WDHD1: variants seen among roughly 807,000 people sequenced by gnomAD.
WDHD1 encodes the protein WD repeat and HMG-box DNA binding protein 1.
In WDHD1, 111 loss-of-function variants were observed where a neutral mutation model predicts 135.4. The observed-to-expected ratio is 0.82, with a 90% CI of 0.70 to 0.96. The LOEUF (loss-of-function observed/expected upper bound fraction) is 0.96. WDHD1 is among the 40% of genes least tolerant of loss of function. The pLI, the probability that WDHD1 is intolerant of heterozygous loss-of-function variation, is 0.00. For synonymous variants in WDHD1, 434 were observed against 439.0 expected, an observed-to-expected ratio of 0.99 and a Z score of 0.14; for missense variants, 1,351 against 1,336.3, an observed-to-expected ratio of 1.01 and a Z score of -0.17.
intron 10 of WDHD1, among the ~76,000 whole-genome samples, chr14:54,999,722 G>A (rs1344342842): frequency 6.6e-6 from 1 of 152,010 alleles, no homozygotes; most frequent in Non-Finnish European, 1.5e-5. Context: ...TCAGCCTTCT[G>A]AGTAGGAGCA....
intron 14 of WDHD1, among the ~76,000 whole-genome samples, chr14:54,986,349 T>C (rs901039005): frequency 1.3e-5 from 2 of 152,146 alleles, no homozygotes; most frequent in South Asian, 2.1e-4. Flanking sequence ...CTTTTAAAAA[T>C]AGAAACAGGG....
In WDHD1 at chr14:54,995,588, A is replaced by T. The variant is rs1368842676; in HGVS notation, c.1153+15T>A. The stretch of plus-strand genomic sequence containing the variant: ...AATCAACAGGGTAATCACATGCACA[A>T]AGTCAAATTCTTACCAACTGAGTTT... On this transcript the variant is annotated intron_variant, in intron 11 of 25. Coordinates refer to ENST00000360586, the MANE Select transcript of WDHD1 (RefSeq NM_007086.4). 6 of 1,567,436 alleles carry T rather than the reference A, an allele frequency of 3.8e-6. No individual in the cohort carries two copies. In the South Asian group the frequency reaches 7.1e-5, roughly 19 times the overall value.
chr14:54,980,182 G>A (rs2041594186), intron 16 of WDHD1, among the ~76,000 whole-genome samples: 1 of 152,000 alleles, frequency 6.6e-6, no homozygotes, highest in African/African-American at 2.4e-5. Context: ...TGGGTGTGGT[G>A]GTGCGTGCCT....
At chr14:54,992,128 C>T (rs1218286459) in intron 11 of WDHD1, among the ~76,000 whole-genome samples, 1 of 151,652 alleles carries the variant, frequency 6.6e-6, no homozygotes, top group Non-Finnish European at 1.5e-5. Context: ...CATGGTGGCA[C>T]ATGCCTGTAA....
At position 55,000,866 on chromosome 14, in the gene WDHD1, A is replaced by G. The variant is rs1045172385; in HGVS notation, c.800+20T>C. The stretch of plus-strand genomic sequence containing the variant: ...AATAGAGATGAGCAAAGAAGAGACA[A>G]AAGATACACTAAATCATACCTTTCC... On this transcript the variant is annotated intron_variant, in intron 9 of 25. Transcript: ENST00000360586. 5.4e-6 allele frequency: 8 copies of G among 1,488,284 alleles called. No homozygotes were observed. Among genetic ancestry groups the G allele is most frequent in the Non-Finnish European group, 7.2e-6 (8 of 1,113,226 alleles). The allele number at this position is 1,488,284 out of a possible 1,614,324, so 92.2% of individuals were successfully genotyped here.
Position 54,958,164 on chromosome 14 carries a change from T to C in WDHD1, c.2702-529A>G, listed in dbSNP as rs893025396. On this transcript the variant is annotated intron_variant, in intron 21 of 25. Transcript: ENST00000360586. ...TTTTTGAGACAGAGTCTCGCTCTTG[T>C]TGCCCAAGCTGGAGGGCAATGGTGT... Among the ~76,000 whole-genome samples the C allele has an allele frequency of 3.3e-5, 5 of 151,924 alleles. No individual in the cohort carries two copies. The South Asian group carries it at 1.0e-3, about 32-fold the overall frequency.
chr14:54,950,717 C>T (rs1309661095), intron 24 of WDHD1, among the ~76,000 whole-genome samples: 1 of 152,164 alleles, frequency 6.6e-6, no homozygotes, highest in Non-Finnish European at 1.5e-5. Flanking sequence ...CCACATCGCA[C>T]TTATTCCAAC....
rs1435454945 is a variant in WDHD1 at position 54,940,800 on chromosome 14, T to C, written c.*690A>G. The C allele has an allele frequency of 6.6e-6, 1 of 151,664 alleles. No individual in the cohort carries two copies. Among genetic ancestry groups the C allele is most frequent in the Non-Finnish European group, 1.5e-5 (1 of 67,950 alleles). The allele number at this position is 151,664 out of a possible 1,614,324, so 9.4% of individuals were successfully genotyped here. A position where few individuals can be genotyped will look rare whatever the true frequency, so the allele number is the denominator to read the frequency against. ...TGTATAATGCAGAGCAAAATGGGGGTGGTGGTAGAAATTATGGTAGTAAAT... is the reference window on the plus strand; with the variant it reads ...TGTATAATGCAGAGCAAAATGGGGGCGGTGGTAGAAATTATGGTAGTAAAT... On this transcript the variant is annotated 3_prime_UTR_variant, in exon 26 of 26. Transcript: ENST00000360586.
In WDHD1 at chr14:54,994,170, CTA is replaced by C. The variant is rs1464696501; in HGVS notation, c.1153+1431_1153+1432del. On this transcript the variant is annotated intron_variant, in intron 11 of 25. Transcript: ENST00000360586. ...CATGTAAGTTGTTACAATAAGCACTCTATTTGAAGATTTTAAATTACAATCTC... is the reference window on the plus strand; with the variant it reads ...CATGTAAGTTGTTACAATAAGCACTCTTTGAAGATTTTAAATTACAATCTC... 2.0e-4 allele frequency among the ~76,000 whole-genome samples: 31 copies of C among 152,058 alleles called. 1 individual carries two copies. Among genetic ancestry groups the C allele is most frequent in the African/African-American group, 7.5e-4 (31 of 41,422 alleles).
chr14:54,989,475 A>C (rs2041749657), intron 12 of WDHD1, among the ~76,000 whole-genome samples: 1 of 152,138 alleles, frequency 6.6e-6, no homozygotes, highest in African/African-American at 2.4e-5. Context: ...ATAATATTTA[A>C]AAATAAATTA....
chr14:55,014,995 G>A (rs1374492374), intron 2 of WDHD1, among the ~76,000 whole-genome samples: 3 of 152,100 alleles, frequency 2.0e-5, no homozygotes, highest in Admixed American at 6.6e-5. Context: ...TGAAGTCTAG[G>A]TCACCTATTT....
chr14:55,005,007 G>A (rs2042041008), intron 7 of WDHD1: 8 of 544,884 alleles, frequency 1.5e-5, no homozygotes, highest in Non-Finnish European at 2.5e-5. Context: ...AGCTGGAGTA[G>A]TCCATTCACC....
intron 24 of WDHD1, among the ~76,000 whole-genome samples, chr14:54,948,357 A>C (rs2040970845): frequency 6.6e-6 from 1 of 152,192 alleles, no homozygotes; most frequent in Non-Finnish European, 1.5e-5. Flanking sequence ...CCACCCTAAT[A>C]CTGTGCTTTT....
At chr14:54,986,837 T>C (rs949552339) in intron 14 of WDHD1, among the ~76,000 whole-genome samples, 2 of 152,208 alleles carry the variant, frequency 1.3e-5, no homozygotes, top group Admixed American at 6.5e-5. Flanking sequence ...TGGCCCTTCC[T>C]ACTAGGAGTT....
intron 3 of WDHD1, among the ~76,000 whole-genome samples, chr14:55,011,689 A>G (rs1161964134): frequency 6.6e-6 from 1 of 151,918 alleles, no homozygotes; most frequent in African/African-American, 2.4e-5. Flanking sequence ...TTTAACAAAC[A>G]TAAGATTACA....
intron 16 of WDHD1, among the ~76,000 whole-genome samples, chr14:54,968,757 A>G (rs1220072117): frequency 6.6e-6 from 1 of 152,106 alleles, no homozygotes; most frequent in Non-Finnish European, 1.5e-5. Context: ...CAAACCAGAA[A>G]ATTTAGAGGA....
In WDHD1 at chr14:54,989,197, C is replaced by T; in HGVS notation, c.1357G>A (p.Gly453Arg). ...THRFMVWNSI[G>R]IIRCYNDEQD... ...TCATCATTATAGCAGCGAATAATTC[C>T]AATAGAGTTCCACACCTACAAACAG... The change falls in exon 13 of 26, where the codon GGA becomes AGA. Residue 453 changes from glycine (G) to arginine (R), a missense_variant. Gly to Arg is a moderately radical substitution (Grantham distance 125). Transcript: ENST00000360586. The T allele has an allele frequency of 6.2e-7, 1 of 1,611,816 alleles. No individual in the cohort carries two copies. The highest frequency in any genetic ancestry group is 8.5e-7 in the Non-Finnish European group (1 of 1,179,018).
At chr14:54,957,431 T>C (rs1488446756) in intron 22 of WDHD1, among the ~76,000 whole-genome samples, 161 bp downstream of exon 22, 1 of 152,212 alleles carries the variant, frequency 6.6e-6, no homozygotes, top group African/African-American at 2.4e-5. Context: ...AGAAGGTAAG[T>C]AGAAAAGACA....
chr14:54,997,355 A>C (rs1365119949), intron 10 of WDHD1, among the ~76,000 whole-genome samples: 4 of 152,042 alleles, frequency 2.6e-5, no homozygotes, highest in African/African-American at 9.7e-5. Flanking sequence ...CTCGGCCTCC[A>C]AAAGTTCTGG....
Sources: allele counts gnomAD v4.1 joint callset (sites outside exome capture counted in the v4.1 genomes callset), GRCh38; gene constraint gnomAD v4.1.1; transcripts MANE v1.5; gene names NCBI Gene and HGNC (gene_info 2026-07-23, HGNC 2026-07-21).